Variants in SSR1 observed in about 807,000 individuals in gnomAD.
SSR1 encodes the protein signal sequence receptor subunit 1.
Under a neutral mutation model 36.1 loss-of-function variants are expected in SSR1, and 13 were observed. The ratio of observed to expected loss-of-function variants is 0.36; its 90% CI spans 0.23 to 0.57. The LOEUF is 0.57. Among genes scored for constraint, SSR1 ranks in the 20% least tolerant of loss-of-function variants. The pLI, the probability that SSR1 is intolerant of heterozygous loss-of-function variation, is 0.81. For missense variants in SSR1, 291 were observed against 338.5 expected, an observed-to-expected ratio of 0.86 and a Z score of 1.10; for synonymous variants, 113 against 118.9, an observed-to-expected ratio of 0.95 and a Z score of 0.32.
At chr6:7,311,874 A>G (rs1202385047) in intron 1 of SSR1, among the ~76,000 whole-genome samples, 1 of 152,254 alleles carries the variant, frequency 6.6e-6, no homozygotes, top group Non-Finnish European at 1.5e-5. Context: ...ATAGTTCTAA[A>G]ACTAAAACTA....
chr6:7,298,164 T>C (rs1408935519), intron 5 of SSR1, among the ~76,000 whole-genome samples, 163 bp from the exon 6 acceptor site: 2 of 152,236 alleles, frequency 1.3e-5, no homozygotes, highest in Non-Finnish European at 2.9e-5. Flanking sequence ...TTAAGTTTTA[T>C]AAATTACCTT....
chr6:7,304,935 TCAAA>T (rs1758023807), intron 2 of SSR1, among the ~76,000 whole-genome samples: 1 of 152,258 alleles, frequency 6.6e-6, no homozygotes, highest in African/African-American at 2.4e-5. Context: ...GAGAGTGCAC[TCAAA>T]CACACTTGTT....
chr6:7,311,242 T>C (rs1182357842), intron 1 of SSR1, among the ~76,000 whole-genome samples: 1 of 152,238 alleles, frequency 6.6e-6, no homozygotes, highest in Non-Finnish European at 1.5e-5. Context: ...CACAGTTTTA[T>C]AGACAATAGT....
chr6:7,306,838 C>T (rs1250467644), intron 2 of SSR1, among the ~76,000 whole-genome samples: 1 of 151,522 alleles, frequency 6.6e-6, no homozygotes, highest in African/African-American at 2.4e-5. Context: ...CTGGCGTGAA[C>T]CCGGGAGGTG....
intron 1 of SSR1, 107 bp downstream of exon 1, chr6:7,312,935 T>G (rs548845529): frequency 1.8e-6 from 2 of 1,138,040 alleles, no homozygotes; most frequent in Non-Finnish European, 1.3e-6. Context: ...GCCAGCGGGG[T>G]GGACGCGGAC....
In SSR1 at chr6:7,289,207, T is replaced by C. The variant is rs1338679433; in HGVS notation, c.*657A>G. Reference sequence around the variant, plus strand: ...GGGGGTAGGATTAGGTTTCATATATTAAAGTCAGCAGAAATTTCATGTTTC... The same window carrying C: ...GGGGGTAGGATTAGGTTTCATATATCAAAGTCAGCAGAAATTTCATGTTTC... On this transcript the variant is annotated 3_prime_UTR_variant, in exon 8 of 8. Transcript: ENST00000244763. 1 of 152,268 alleles carries C rather than the reference T, an allele frequency of 6.6e-6. No individual in the cohort carries two copies. Among genetic ancestry groups the C allele is most frequent in the Non-Finnish European group, 1.5e-5 (1 of 68,092 alleles). The allele number at this position is 152,268 out of a possible 1,614,324, so 9.4% of individuals were successfully genotyped here.
chr6:7,310,421 GTT>G (rs1758164721), intron 1 of SSR1, among the ~76,000 whole-genome samples: 1 of 151,980 alleles, frequency 6.6e-6, no homozygotes, highest in South Asian at 2.1e-4. Flanking sequence ...GGGAAATGTG[GTT>G]TAACTTCAAA....
chr6:7,296,288 G>A (rs1332973125), intron 6 of SSR1, among the ~76,000 whole-genome samples: 2 of 152,072 alleles, frequency 1.3e-5, no homozygotes, highest in Non-Finnish European at 2.9e-5. Flanking sequence ...TAGAACCTAA[G>A]TACATGGAGA....
chr6:7,302,178 TAAG>T (rs760156899), intron 3 of SSR1, among the ~76,000 whole-genome samples: 2 of 152,194 alleles, frequency 1.3e-5, no homozygotes, highest in African/African-American at 2.4e-5. Flanking sequence ...ACAGAAAATG[TAAG>T]AAGACCAAGA....
chr6:7,298,717 C>G, intron 5 of SSR1, 30 bp downstream of exon 5: 1 of 1,554,348 alleles, frequency 6.4e-7, no homozygotes, highest in South Asian at 1.1e-5. Flanking sequence ...CGAGCAAAAT[C>G]AAGATCTACA....
At chr6:7,309,739 A>C (rs1819250) in intron 2 of SSR1, 178 bp downstream of exon 2, 480,481 of 604,324 alleles carry the variant, frequency 0.8, 192,259 homozygotes, top group African/African-American at 0.96. Context: ...TGTTTGCTTC[A>C]ATTTCTGCCA....
intron 2 of SSR1, among the ~76,000 whole-genome samples, chr6:7,306,472 A>T (rs1758056368): frequency 1.3e-5 from 2 of 152,018 alleles, no homozygotes. Context: ...AGTTAGTGTT[A>T]TTACTACTAC....
At chr6:7,305,779 CCTTCTTCACTTT>C (rs1261929288) in intron 2 of SSR1, among the ~76,000 whole-genome samples, 1 of 152,082 alleles carries the variant, frequency 6.6e-6, no homozygotes, top group Non-Finnish European at 1.5e-5. Context: ...TGCTTGATGG[CCTTCTTCACTTT>C]CTGACACTGA....
intron 7 of SSR1, 188 bp downstream of exon 7, chr6:7,295,204 G>T: frequency 7.6e-7 from 1 of 1,315,586 alleles, no homozygotes; most frequent in Non-Finnish European, 1.0e-6. Context: ...CCAAATTAAA[G>T]CATAAGAAGA....
Position 7,289,949 on chromosome 6 carries a change from G to A in SSR1, c.794-18C>T. The A allele has an allele frequency of 6.5e-7, 1 of 1,528,046 alleles. No homozygotes were observed. Among genetic ancestry groups the A allele is most frequent in the Non-Finnish European group, 8.7e-7 (1 of 1,150,242 alleles). The allele number at this position is 1,528,046 out of a possible 1,614,324, so 94.7% of individuals were successfully genotyped here. On this transcript the variant is annotated intron_variant, in intron 7 of 7. Coordinates refer to ENST00000244763, the MANE Select transcript of SSR1 (RefSeq NM_003144.5). Reference sequence around the variant, plus strand: ...AGCTTTATCTGGAAGAAAAGAGAAAGTTTTAAGCTTGCCTATTATAAGTAT... The same window carrying A: ...AGCTTTATCTGGAAGAAAAGAGAAAATTTTAAGCTTGCCTATTATAAGTAT...
At chr6:7,300,682 G>C (rs1277895350) in intron 4 of SSR1, among the ~76,000 whole-genome samples, 1 of 152,050 alleles carries the variant, frequency 6.6e-6, no homozygotes, top group East Asian at 1.9e-4. Context: ...TCACTCTGTG[G>C]CCCAGGCTGG....
chr6:7,312,914 G>A (rs1758239475), intron 1 of SSR1, 128 bp downstream of exon 1: 4 of 919,524 alleles, frequency 4.4e-6, no homozygotes, highest in South Asian at 3.0e-5. Context: ...TTGGGGAGAG[G>A]GCGGAGAGAG....
intron 2 of SSR1, among the ~76,000 whole-genome samples, chr6:7,307,077 C>T (rs1332159077): frequency 6.6e-6 from 1 of 152,218 alleles, no homozygotes; most frequent in Non-Finnish European, 1.5e-5. Context: ...GACACTGGCC[C>T]AGTGGCAAAG....
intron 7 of SSR1, among the ~76,000 whole-genome samples, chr6:7,294,743 C>T (rs940627545): frequency 2.6e-5 from 4 of 151,800 alleles, no homozygotes; most frequent in African/African-American, 9.7e-5. Context: ...CAGGAATTGA[C>T]TTATTTTTTT....
Sources: gnomAD v4.1 joint callset for allele counts (sites outside exome capture counted in the v4.1 genomes callset) on GRCh38, gnomAD v4.1.1 for gene constraint, MANE v1.5 for transcripts, NCBI Gene and HGNC (gene_info 2026-07-23, HGNC 2026-07-21) for gene names.